PLCB1: variants seen among roughly 807,000 people sequenced by gnomAD.
PLCB1 encodes the protein phospholipase C beta 1.
In PLCB1, 46 loss-of-function variants were observed where a neutral mutation model predicts 161.8. That is an observed-to-expected ratio of 0.28 (90% CI 0.22 to 0.36). The LOEUF is 0.36. Among genes scored for constraint, PLCB1 ranks in the 10% least tolerant of loss-of-function variants. The pLI is 1.00. For synonymous variants in PLCB1, 517 were observed against 503.7 expected, an observed-to-expected ratio of 1.03 and a Z score of -0.35; for missense variants, 1,016 against 1,472.5, an observed-to-expected ratio of 0.69 and a Z score of 5.07.
At chr20:8,768,672 C>T (rs1038496599) in intron 26 of PLCB1, among the ~76,000 whole-genome samples, 1 of 152,144 alleles carries the variant, frequency 6.6e-6, no homozygotes, top group Non-Finnish European at 1.5e-5. Flanking sequence ...GTAACCTGGC[C>T]AGGGGCACAT....
intron 2 of PLCB1, among the ~76,000 whole-genome samples, chr20:8,260,413 A>G (rs981285128): frequency 6.6e-6 from 1 of 151,996 alleles, no homozygotes; most frequent in Non-Finnish European, 1.5e-5. Context: ...TGAAAATCAC[A>G]AAGTAAGACT....
intron 3 of PLCB1, among the ~76,000 whole-genome samples, chr20:8,377,324 A>G (rs1214053457): frequency 6.6e-6 from 1 of 152,140 alleles, no homozygotes; most frequent in Non-Finnish European, 1.5e-5. Flanking sequence ...AGCAAAGCAT[A>G]TTTCAGGAAT....
At chr20:8,836,909 A>G (rs58568270) in intron 31 of PLCB1, among the ~76,000 whole-genome samples, 6,329 of 152,234 alleles carry the variant, frequency 0.042, 208 homozygotes, top group African/African-American at 0.087. Context: ...AGATCACTGA[A>G]AATCAAATGC....
chr20:8,408,487 A>G (rs1978886196), intron 3 of PLCB1, among the ~76,000 whole-genome samples: 1 of 152,156 alleles, frequency 6.6e-6, no homozygotes, highest in South Asian at 2.1e-4. Flanking sequence ...TAGGTACTGT[A>G]AAACTGTTCT....
At chr20:8,477,524 A>G (rs1338064591) in intron 3 of PLCB1, among the ~76,000 whole-genome samples, 1 of 152,200 alleles carries the variant, frequency 6.6e-6, no homozygotes, top group Non-Finnish European at 1.5e-5. Flanking sequence ...TTTGTTGTAA[A>G]AGAATATCTG....
intron 23 of PLCB1, among the ~76,000 whole-genome samples, chr20:8,756,820 T>G (rs541883227): frequency 6.6e-6 from 1 of 152,298 alleles, no homozygotes; most frequent in Non-Finnish European, 1.5e-5. Context: ...CCAACGGGCA[T>G]AGACATAGGT....
chr20:8,594,482 G>A (rs1214593123), intron 3 of PLCB1, among the ~76,000 whole-genome samples: 2 of 152,100 alleles, frequency 1.3e-5, no homozygotes, highest in African/African-American at 2.4e-5. Context: ...GGTTAGGGGC[G>A]GTCCTGAGAT....
At chr20:8,624,294 A>C (rs1217978065) in intron 3 of PLCB1, among the ~76,000 whole-genome samples, 1 of 152,216 alleles carries the variant, frequency 6.6e-6, no homozygotes, top group Non-Finnish European at 1.5e-5. Context: ...CAGGGAATCA[A>C]ATTAACCTAC....
chr20:8,505,485 G>A (rs1158855377), intron 3 of PLCB1, among the ~76,000 whole-genome samples: 1 of 152,164 alleles, frequency 6.6e-6, no homozygotes, highest in African/African-American at 2.4e-5. Context: ...TCTCTCACCA[G>A]GAGAGGAAAG....
intron 3 of PLCB1, among the ~76,000 whole-genome samples, chr20:8,506,378 A>G (rs1983638333): frequency 6.6e-6 from 1 of 152,152 alleles, no homozygotes; most frequent in Non-Finnish European, 1.5e-5. Flanking sequence ...TTTTTTTCTC[A>G]GTGTGAAATC....
intron 3 of PLCB1, among the ~76,000 whole-genome samples, chr20:8,613,847 G>A (rs1431346153): frequency 2.6e-5 from 4 of 151,658 alleles, no homozygotes; most frequent in African/African-American, 9.7e-5. Context: ...AAATTACAGT[G>A]AAAATATTGA....
At chr20:8,539,100 T>C (rs948703375) in intron 3 of PLCB1, among the ~76,000 whole-genome samples, 1 of 152,194 alleles carries the variant, frequency 6.6e-6, no homozygotes, top group Non-Finnish European at 1.5e-5. Flanking sequence ...AGCTAACTCC[T>C]TAACTACCCC....
At chr20:8,472,612 G>A (rs6055844) in intron 3 of PLCB1, among the ~76,000 whole-genome samples, 2 of 152,172 alleles carry the variant, frequency 1.3e-5, no homozygotes, top group African/African-American at 4.8e-5. Flanking sequence ...GGGAGGCTGA[G>A]GTGGGAGGAT....
At chr20:8,620,649 G>A (rs1988153460) in intron 3 of PLCB1, among the ~76,000 whole-genome samples, 1 of 146,548 alleles carries the variant, frequency 6.8e-6, no homozygotes. Context: ...TGAGGCCTAA[G>A]AATCGCATGA....
At chr20:8,861,063 G>GA (rs1481599821) in intron 31 of PLCB1, among the ~76,000 whole-genome samples, 3 of 152,164 alleles carry the variant, frequency 2.0e-5, no homozygotes, top group African/African-American at 7.2e-5. Context: ...AAGGTGAATA[G>GA]AAATTAATGG....
At chr20:8,792,096 G>A (rs1302616405) in intron 31 of PLCB1, 1 of 153,018 alleles carries the variant, frequency 6.5e-6, no homozygotes, top group African/African-American at 2.4e-5. Context: ...TCCAGACCGT[G>A]AACTCAGTCA....
intron 2 of PLCB1, among the ~76,000 whole-genome samples, chr20:8,310,871 C>T (rs1984364715): frequency 6.6e-6 from 1 of 152,202 alleles, no homozygotes; most frequent in Non-Finnish European, 1.5e-5. Context: ...CCTCTAGCTG[C>T]ATCCACGTTG....
chr20:8,431,809 A>G (rs960112349), intron 3 of PLCB1, among the ~76,000 whole-genome samples: 1 of 152,212 alleles, frequency 6.6e-6, no homozygotes, highest in African/African-American at 2.4e-5. Flanking sequence ...GCTAAAATTT[A>G]AAATTTGAGT....
Position 8,276,674 on chromosome 20 carries a change from T to C in PLCB1, c.178-94708T>C, listed in dbSNP as rs999459429. On this transcript the variant is annotated intron_variant, in intron 2 of 31. Coordinates refer to ENST00000338037, the MANE Select transcript of PLCB1 (RefSeq NM_015192.4). ...AGCTTTTTTCCAAAATATGTTGTTT[T>C]GTTTGATAAAATGGGATGTAAGGGA... Among the ~76,000 whole-genome samples the C allele has an allele frequency of 8.5e-4, 129 of 152,314 alleles. No homozygotes were observed. The Middle Eastern group carries it at 0.01, about 12-fold the overall frequency.
Sources: gnomAD v4.1 joint callset for allele counts (sites outside exome capture counted in the v4.1 genomes callset) on GRCh38, gnomAD v4.1.1 for gene constraint, MANE v1.5 for transcripts, NCBI Gene and HGNC (gene_info 2026-07-23, HGNC 2026-07-21) for gene names.